The following ABCB1 variants were observed in gnomAD, a reference collection of about 807,000 sequenced individuals.
ABCB1 encodes the protein ATP-dependent translocase ABCB1.
ABCB1 carries 69 observed loss-of-function variants against 142.0 expected under a neutral mutation model. The observed-to-expected ratio is 0.49, with a 90% CI of 0.40 to 0.59. ABCB1 has a LOEUF of 0.59. ABCB1 is among the 20% of genes least tolerant of loss of function. The probability of loss-of-function intolerance (pLI) is 0.00; values close to 1 mark genes in which losing one functional copy is unlikely to be tolerated. For missense variants in ABCB1, 1,326 were observed against 1,554.7 expected (o/e 0.85, Z 2.47); for synonymous variants, 532 against 539.2 (o/e 0.99, Z 0.18).
rs906956780 is a variant in ABCB1 at position 87,538,523 on chromosome 7, C to T, written c.2397+745G>A. 8.5e-5 allele frequency among the ~76,000 whole-genome samples: 13 copies of T among 152,150 alleles called. 1 individual carries two copies. Among genetic ancestry groups the T allele is most frequent in the Admixed American group, 3.3e-4 (5 of 15,274 alleles). On this transcript the variant is annotated intron_variant, in intron 19 of 27. Transcript: ENST00000622132. ...AGCCAGGGTTCGAGTACCCCTGGCACATCTGGGGCAGACTTCTAAAGCATC... is the reference window on the plus strand; with the variant it reads ...AGCCAGGGTTCGAGTACCCCTGGCATATCTGGGGCAGACTTCTAAAGCATC...
chr7:87,585,424 GTAT>G (rs749213103), intron 4 of ABCB1, 85 bp downstream of exon 4: 110 of 1,331,996 alleles, frequency 8.3e-5, no homozygotes, highest in Non-Finnish European at 8.1e-5. Flanking sequence ...ACACTAATGT[GTAT>G]TTAGTAAAGA....
chr7:87,686,298 G>A (rs979306435), intron 1 of ABCB1, among the ~76,000 whole-genome samples: 1 of 152,084 alleles, frequency 6.6e-6, no homozygotes, highest in Non-Finnish European at 1.5e-5. Flanking sequence ...GTAGAATAAG[G>A]ACACATTAAC....
chr7:87,530,177 G>A (rs1815972581), intron 21 of ABCB1, among the ~76,000 whole-genome samples: 1 of 152,206 alleles, frequency 6.6e-6, no homozygotes, highest in Non-Finnish European at 1.5e-5. Context: ...TCTGATCTGT[G>A]TGAGTCCCTG....
chr7:87,520,867 C>G lies in ABCB1; in HGVS notation c.2695G>C (p.Glu899Gln). The G allele has an allele frequency of 6.2e-7, 1 of 1,613,700 alleles. No individual in the cohort carries two copies. The highest frequency in any genetic ancestry group is 1.3e-5 in the African/African-American group (1 of 75,012). Residue 899 changes from glutamate to glutamine, a missense_variant, in exon 22 of 28, where the codon GAA becomes CAA. Physicochemically the swap from Glu to Gln is conservative, Grantham distance 29. Transcript: ENST00000622132. ...ACGGTTCGGAAGTTTTCTATTGCTTCAGTAGCGATCTGTAACAGACAGCAC... is the reference window on the plus strand; with the variant it reads ...ACGGTTCGGAAGTTTTCTATTGCTTGAGTAGCGATCTGTAACAGACAGCAC... Reference protein sequence around the residue: ...ELEGSGKIATEAIENFRTVVS... With the variant: ...ELEGSGKIATQAIENFRTVVS...
chr7:87,638,597 C>T (rs1822083032), intron 1 of ABCB1, among the ~76,000 whole-genome samples: 2 of 151,378 alleles, frequency 1.3e-5, no homozygotes, highest in South Asian at 4.2e-4. Flanking sequence ...ATACCTATTT[C>T]ATTTATATTG....
chr7:87,581,764 AGGC>A (rs1483213111), intron 4 of ABCB1, among the ~76,000 whole-genome samples: 1 of 152,208 alleles, frequency 6.6e-6, no homozygotes, highest in East Asian at 1.9e-4. Flanking sequence ...AAAAACCCCC[AGGC>A]TTTCAAGAGC....
chr7:87,592,197 G>A (rs912001928), intron 3 of ABCB1, among the ~76,000 whole-genome samples: 2 of 152,164 alleles, frequency 1.3e-5, no homozygotes, highest in Non-Finnish European at 2.9e-5. Context: ...ATGCCAATGG[G>A]ACAGATCCAG....
chr7:87,600,626 C>G (rs1183758237), intron 1 of ABCB1, 129 bp downstream of exon 1: 1 of 243,324 alleles, frequency 4.1e-6, no homozygotes, highest in Non-Finnish European at 8.1e-6. Flanking sequence ...TCCCCATGGA[C>G]TTGCCAGAGG....
intron 1 of ABCB1, among the ~76,000 whole-genome samples, chr7:87,646,380 A>C (rs1333278952): frequency 1.3e-5 from 2 of 152,194 alleles, no homozygotes; most frequent in Admixed American, 1.3e-4. Flanking sequence ...TCAGACTGTT[A>C]AAGGTGGAAA....
At chr7:87,567,104 G>T in intron 5 of ABCB1, 128 bp from the exon 6 acceptor site, 8 of 834,822 alleles carry the variant, frequency 9.6e-6, no homozygotes, top group Non-Finnish European at 1.6e-5. Context: ...ATAAGAAGGG[G>T]TTGTAACAAG....
intron 7 of ABCB1, among the ~76,000 whole-genome samples, chr7:87,562,141 T>G (rs1563053599): frequency 6.6e-6 from 1 of 152,348 alleles, no homozygotes; most frequent in South Asian, 2.1e-4. Flanking sequence ...AAGCTCAAAG[T>G]TGTTTGGGTT....
intron 7 of ABCB1, among the ~76,000 whole-genome samples, chr7:87,565,295 G>A (rs770876907): frequency 6.6e-6 from 1 of 152,108 alleles, no homozygotes; most frequent in East Asian, 1.9e-4. Flanking sequence ...TCTGAGTTGT[G>A]TTGAACTCCA....
At chr7:87,592,928 CTT>C (rs35396007) in intron 3 of ABCB1, among the ~76,000 whole-genome samples, 122 of 138,020 alleles carry the variant, frequency 8.8e-4, no homozygotes, top group Middle Eastern at 3.6e-3. Flanking sequence ...AATATATAAT[CTT>C]TTTTTTTTTT....
intron 1 of ABCB1, among the ~76,000 whole-genome samples, chr7:87,693,065 G>A (rs1439911238): frequency 6.6e-6 from 1 of 152,120 alleles, no homozygotes; most frequent in Non-Finnish European, 1.5e-5. Flanking sequence ...GTGGGACCAT[G>A]TACTATTGGA....
intron 1 of ABCB1, among the ~76,000 whole-genome samples, chr7:87,659,882 C>CT (rs1329779316): frequency 1.3e-5 from 2 of 152,022 alleles, no homozygotes; most frequent in African/African-American, 4.8e-5. Flanking sequence ...CAGAAGTTGC[C>CT]TTTATTTTTT....
Position 87,545,132 on chromosome 7 carries a change from C to T in ABCB1, c.1888-133G>A. 1.1e-5 allele frequency: 9 copies of T among 807,482 alleles called. 1 individual carries two copies. The South Asian group carries it at 1.4e-4, about 13-fold the overall frequency. The allele number at this position is 807,482 out of a possible 1,614,324, so 50.0% of individuals were successfully genotyped here. A position where few individuals can be genotyped will look rare whatever the true frequency, so the allele number is the denominator to read the frequency against. ...TGCAGAAAAGGATAAAGCTAATCTG[C>T]TGTGTTGTTTTATGTGTGTCTGTGT... On this transcript the variant is annotated intron_variant, in intron 15 of 27. Coordinates refer to ENST00000622132, the MANE Select transcript of ABCB1 (RefSeq NM_001348946.2).
chr7:87,708,095 C>T (rs1829767967), intron 1 of ABCB1, among the ~76,000 whole-genome samples: 1 of 151,418 alleles, frequency 6.6e-6, no homozygotes, highest in Non-Finnish European at 1.5e-5. Flanking sequence ...ACTTTCATCT[C>T]AAGAAGCTAT....
chr7:87,613,257 C>CTTTTTTTTTTTTTTTTTTTTTT (rs67823385), intron 1 of ABCB1, among the ~76,000 whole-genome samples: 4 of 64,208 alleles, frequency 6.2e-5, no homozygotes, highest in Admixed American at 2.1e-4. Context: ...TCCTTTATTT[C>CTTTTTTTTTTTTTTTTTTTTTT]TTTTTTTTTT....
intron 1 of ABCB1, among the ~76,000 whole-genome samples, chr7:87,643,266 T>G (rs1362872889): frequency 6.6e-6 from 1 of 152,132 alleles, no homozygotes; most frequent in Non-Finnish European, 1.5e-5. Flanking sequence ...TTTGAGATAA[T>G]AAAATATCAC....
Sources: gnomAD v4.1 joint callset for allele counts (sites outside exome capture counted in the v4.1 genomes callset) on GRCh38, gnomAD v4.1.1 for gene constraint, MANE v1.5 for transcripts, NCBI Gene and HGNC (gene_info 2026-07-23, HGNC 2026-07-21) for gene names.